Variants in SPATA6 observed in about 807,000 individuals in gnomAD.
The protein encoded by SPATA6 is spermatogenesis-associated protein 6.
In SPATA6, 56 loss-of-function variants were observed where a neutral mutation model predicts 65.3. The observed-to-expected ratio is 0.86, with a 90% confidence interval of 0.69 to 1.07. The LOEUF (loss-of-function observed/expected upper bound fraction) is 1.07, where lower values mean the gene tolerates loss of function less well. SPATA6 is among the 50% of genes least tolerant of loss of function. The probability of loss-of-function intolerance (pLI) is 0.00; values close to 1 mark genes in which losing one functional copy is unlikely to be tolerated. For missense variants in SPATA6, 590 were observed against 594.8 expected (o/e 0.99, Z 0.08); for synonymous variants, 199 against 213.2 (o/e 0.93, Z 0.58).
chr1:48,382,572 C>A (rs1648807565), intron 9 of SPATA6, among the ~76,000 whole-genome samples: 1 of 118,132 alleles, frequency 8.5e-6, no homozygotes, highest in South Asian at 3.3e-4. Context: ...GACGGGGCGG[C>A]CGGCCGGAAG....
At chr1:48,334,647 G>A (rs925225447) in intron 11 of SPATA6, among the ~76,000 whole-genome samples, 9 of 152,088 alleles carry the variant, frequency 5.9e-5, no homozygotes, top group African/African-American at 2.2e-4. Flanking sequence ...AACAGTAAGA[G>A]CCATCAATGA....
chr1:48,408,985 T>A (rs1259332482), intron 5 of SPATA6, among the ~76,000 whole-genome samples: 1 of 152,080 alleles, frequency 6.6e-6, no homozygotes, highest in Non-Finnish European at 1.5e-5. Context: ...CCCAAATCTC[T>A]TATCTTCACA....
rs111418472 is a variant in SPATA6 at position 48,471,876 on chromosome 1, G to T, written c.51+82C>A. On this transcript the variant is annotated intron_variant, in intron 1 of 12. Transcript: ENST00000371847. ...ATGATTCGGAGGGTGAAGGAGGTTTGGGGGTGGTTCCGGGCTCTCGGAGGT... is the reference window on the plus strand; with the variant it reads ...ATGATTCGGAGGGTGAAGGAGGTTTTGGGGTGGTTCCGGGCTCTCGGAGGT... 3.0e-3 allele frequency: 4,554 copies of T among 1,498,060 alleles called. 81 individuals carry two copies. In the African/African-American group the frequency reaches 0.05, roughly 17 times the overall value. 92.8% of individuals were successfully genotyped at this position (1,498,060 alleles called of 1,614,324 possible).
chr1:48,364,264 A>G (rs546150642), intron 9 of SPATA6, among the ~76,000 whole-genome samples: 81 of 152,290 alleles, frequency 5.3e-4, no homozygotes, highest in Admixed American at 1.1e-3. Flanking sequence ...ATAAACATAC[A>G]TGTGCATGTG....
intron 3 of SPATA6, among the ~76,000 whole-genome samples, chr1:48,428,044 C>A (rs1654002504): frequency 6.6e-6 from 1 of 152,200 alleles, no homozygotes; most frequent in African/African-American, 2.4e-5. Context: ...ATCCATGCTG[C>A]TGCAAAAGAC....
chr1:48,363,995 C>G (rs1371219731), intron 9 of SPATA6, among the ~76,000 whole-genome samples: 4 of 151,914 alleles, frequency 2.6e-5, no homozygotes, highest in Admixed American at 6.6e-5. Flanking sequence ...TGTTCCCCTT[C>G]CTGTGTCCAT....
chr1:48,451,644 AT>A (rs751603051), intron 2 of SPATA6, 44 bp from the exon 3 acceptor site: 57 of 1,564,862 alleles, frequency 3.6e-5, no homozygotes, highest in South Asian at 2.7e-4. Context: ...GAAGATATAT[AT>A]TTTTTTTCTC....
At chr1:48,293,937 A>G (rs1459812716), downstream of SPATA6, among the ~76,000 whole-genome samples, 1 of 152,204 alleles carries the variant, frequency 6.6e-6, no homozygotes, top group Non-Finnish European at 1.5e-5. Flanking sequence ...ACAAGTACTG[A>G]TTATCTGAGG....
chr1:48,378,257 T>C (rs904540690), intron 9 of SPATA6, among the ~76,000 whole-genome samples: 1 of 152,132 alleles, frequency 6.6e-6, no homozygotes, highest in African/African-American at 2.4e-5. Context: ...GCAGGCAGCA[T>C]GGGGAACAGC....
Position 48,406,471 on chromosome 1 carries a change from G to A in SPATA6, c.406-2589C>T, listed in dbSNP as rs960365735. 5.9e-5 allele frequency among the ~76,000 whole-genome samples: 9 copies of A among 152,254 alleles called. No homozygotes were observed. In the South Asian group the frequency reaches 6.2e-4, roughly 11 times the overall value. ...ATAATCTAGCCAAATTGAAACATAA[G>A]ATTAATCATCACACCATTTTAAATG... On this transcript the variant is annotated intron_variant, in intron 5 of 12. Transcript: ENST00000371847.
At chr1:48,379,547 G>A (rs1211667750) in intron 9 of SPATA6, among the ~76,000 whole-genome samples, 1 of 152,054 alleles carries the variant, frequency 6.6e-6, no homozygotes, top group Non-Finnish European at 1.5e-5. Flanking sequence ...AAATTCTGGA[G>A]ATCTATTTTA....
intron 8 of SPATA6, among the ~76,000 whole-genome samples, chr1:48,388,947 G>A (rs957988172): frequency 3.3e-5 from 5 of 152,008 alleles, no homozygotes. Flanking sequence ...GTACAATGGT[G>A]TGATCTTTGC....
chr1:48,404,017 A>G (rs1422725325), intron 5 of SPATA6, 135 bp from the exon 6 acceptor site: 7 of 594,158 alleles, frequency 1.2e-5, no homozygotes. Context: ...ACTTTTCATT[A>G]AAGATAAAGA....
At chr1:48,355,905 A>G (rs1467899593) in intron 10 of SPATA6, 136 bp from the exon 11 acceptor site, 13 of 551,342 alleles carry the variant, frequency 2.4e-5, no homozygotes, top group African/African-American at 3.9e-5. Flanking sequence ...ACATACCTAT[A>G]TATCTGACCA....
At chr1:48,404,322 T>C (rs1404644798) in intron 5 of SPATA6, among the ~76,000 whole-genome samples, 1 of 152,186 alleles carries the variant, frequency 6.6e-6, no homozygotes, top group Non-Finnish European at 1.5e-5. Flanking sequence ...TCAAACATCA[T>C]GTTGTATATC....
At chr1:48,437,819 A>G (rs927686093) in intron 3 of SPATA6, among the ~76,000 whole-genome samples, 1 of 151,884 alleles carries the variant, frequency 6.6e-6, no homozygotes, top group African/African-American at 2.4e-5. Flanking sequence ...GGGCTAAAGT[A>G]ACACTTTCCT....
intron 9 of SPATA6, among the ~76,000 whole-genome samples, chr1:48,375,512 CT>C (rs1287422657): frequency 6.6e-6 from 1 of 152,096 alleles, no homozygotes; most frequent in Non-Finnish European, 1.5e-5. Context: ...AAACGTTCCT[CT>C]GTTTTGTTTT....
chr1:48,425,549 C>G (rs1449285270), intron 3 of SPATA6, among the ~76,000 whole-genome samples: 1 of 152,030 alleles, frequency 6.6e-6, no homozygotes, highest in South Asian at 2.1e-4. Context: ...GCTTAAACTA[C>G]CAGATAGCAA....
chr1:48,377,020 T>C (rs1457693252), intron 9 of SPATA6, among the ~76,000 whole-genome samples: 1 of 152,162 alleles, frequency 6.6e-6, no homozygotes, highest in Non-Finnish European at 1.5e-5. Flanking sequence ...AGGTCTACTT[T>C]TCCAGCATTA....
Sources: gnomAD v4.1 joint callset for allele counts (sites outside exome capture counted in the v4.1 genomes callset) on GRCh38, gnomAD v4.1.1 for gene constraint, MANE v1.5 for transcripts, NCBI Gene and HGNC (gene_info 2026-07-23, HGNC 2026-07-21) for gene names.